Variants in SMAP1 observed in about 807,000 individuals in gnomAD.
SMAP1 encodes small ArfGAP 1, also known as stromal membrane-associated protein 1.
SMAP1 carries 24 observed loss-of-function variants against 58.5 expected under a neutral mutation model. The ratio of observed to expected loss-of-function variants is 0.41; its 90% CI spans 0.30 to 0.58. The LOEUF is 0.58. Ranked by LOEUF, SMAP1 falls within the 20% of genes least tolerant of loss-of-function variation. The pLI is 0.29. For synonymous variants in SMAP1, 216 were observed against 196.6 expected, an observed-to-expected ratio of 1.10 and a Z score of -0.82; for missense variants, 563 against 566.3, an observed-to-expected ratio of 0.99 and a Z score of 0.06.
intron 4 of SMAP1, among the ~76,000 whole-genome samples, chr6:70,774,086 G>A (rs1268020533): frequency 1.3e-5 from 2 of 152,272 alleles, no homozygotes; most frequent in East Asian, 1.9e-4. Context: ...GTAACATGCA[G>A]TACAGGTTTG....
chr6:70,708,129 C>T (rs913096610), intron 1 of SMAP1, among the ~76,000 whole-genome samples: 1 of 152,170 alleles, frequency 6.6e-6, no homozygotes, highest in African/African-American at 2.4e-5. Context: ...TGTTTCCTCT[C>T]CTTTCCTGCG....
intron 4 of SMAP1, among the ~76,000 whole-genome samples, chr6:70,777,835 C>T (rs1276260702): frequency 6.6e-6 from 1 of 151,962 alleles, no homozygotes; most frequent in Non-Finnish European, 1.5e-5. Context: ...TCCCTGCAAC[C>T]TCCGCCTCCT....
chr6:70,800,797 G>A (rs1424281552), intron 6 of SMAP1, among the ~76,000 whole-genome samples: 2 of 151,888 alleles, frequency 1.3e-5, no homozygotes, highest in Non-Finnish European at 1.5e-5. Flanking sequence ...ATAGTTTGCT[G>A]AGAATGATGG....
chr6:70,856,761 T>G, intron 8 of SMAP1, 98 bp from the exon 9 acceptor site: 1 of 1,256,876 alleles, frequency 8.0e-7, no homozygotes, highest in Non-Finnish European at 1.1e-6. Context: ...AATTGTTTGA[T>G]TCCTATCTAA....
chr6:70,824,106 C>G (rs73500502), intron 6 of SMAP1, among the ~76,000 whole-genome samples: 4,181 of 152,232 alleles, frequency 0.027, 72 homozygotes, highest in Middle Eastern at 0.041. Flanking sequence ...CTGCCTGTCT[C>G]TCTTGTTTTC....
At chr6:70,718,121 T>C (rs1395170457) in intron 1 of SMAP1, among the ~76,000 whole-genome samples, 1 of 152,156 alleles carries the variant, frequency 6.6e-6, no homozygotes, top group Admixed American at 6.6e-5. Context: ...AAAAATTTTA[T>C]TGTTTACTGG....
chr6:70,826,831 G>A (rs940953993), intron 6 of SMAP1, among the ~76,000 whole-genome samples: 2 of 151,076 alleles, frequency 1.3e-5, no homozygotes, highest in South Asian at 2.1e-4. Flanking sequence ...TTGGGAGGCT[G>A]AGGTAGGAGG....
chr6:70,801,775 G>A (rs770802834), intron 6 of SMAP1, among the ~76,000 whole-genome samples: 6 of 152,086 alleles, frequency 3.9e-5, no homozygotes, highest in Non-Finnish European at 1.5e-5. Flanking sequence ...ATAGGGAATC[G>A]TTTCTCCATT....
In SMAP1 at chr6:70,860,198, A is replaced by AGAT; in HGVS notation, c.1271_1273dup. On this transcript the variant is annotated splice_acceptor_variant, in intron 10 of 10. Coordinates refer to ENST00000370455, the MANE Select transcript of SMAP1 (RefSeq NM_001044305.3). LOFTEE classifies it high-confidence loss of function. ...GAACTAAGCCTTTTATATGTTTCAC[A>AGAT]GATGAATCAGCAGATGGCTGGCATG... 1 of 1,604,880 alleles carries AGAT rather than the reference A, an allele frequency of 6.2e-7. No individual in the cohort carries two copies. Among genetic ancestry groups the AGAT allele is most frequent in the African/African-American group, 1.3e-5 (1 of 74,676 alleles).
Position 70,860,279 on chromosome 6 carries a change from C to T in SMAP1, c.1349C>T (p.Ala450Val), listed in dbSNP as rs752782871. Residue 450 changes from alanine (A) to valine (V), a missense_variant, in exon 11 of 11, where the codon GCA becomes GTA. Around this residue, in one of 3 missense-constraint regions of SMAP1, gnomAD observed 494 missense variants for 473.8 expected, o/e 1.04. Transcript: ENST00000370455. ...TTTGGCCAGCCCTCCAGCACAACAGCAGGATGGTCTGGAAGCTCATCAGGT... is the reference window on the plus strand; with the variant it reads ...TTTGGCCAGCCCTCCAGCACAACAGTAGGATGGTCTGGAAGCTCATCAGGT... ...AGFGQPSSTT[A>V]GWSGSSSGQT... 1.1e-5 allele frequency: 18 copies of T among 1,613,652 alleles called. No homozygotes were observed. In the South Asian group the frequency reaches 1.9e-4, roughly 17 times the overall value.
Position 70,860,902 on chromosome 6 carries a change from T to C in SMAP1, c.*568T>C. On this transcript the variant is annotated 3_prime_UTR_variant, in exon 11 of 11. Coordinates refer to ENST00000370455, the MANE Select transcript of SMAP1 (RefSeq NM_001044305.3). Reference sequence around the variant, plus strand: ...AAAGGAAGATAAACGTGGATGTTACTCCAAAACTTCGTTTAATGAATGCTT... The same window carrying C: ...AAAGGAAGATAAACGTGGATGTTACCCCAAAACTTCGTTTAATGAATGCTT... The C allele has an allele frequency of 5.1e-6, 2 of 388,406 alleles. No homozygotes were observed. Among genetic ancestry groups the C allele is most frequent in the Non-Finnish European group, 9.1e-6 (2 of 219,628 alleles). 24.1% of individuals were successfully genotyped at this position (388,406 alleles called of 1,614,324 possible).
intron 3 of SMAP1, among the ~76,000 whole-genome samples, chr6:70,766,313 A>T (rs1766983448): frequency 6.6e-6 from 1 of 152,226 alleles, no homozygotes; most frequent in Non-Finnish European, 1.5e-5. Flanking sequence ...TCCCTGAGGA[A>T]TCAACACACT....
chr6:70,776,926 A>G (rs1300769372), intron 4 of SMAP1, among the ~76,000 whole-genome samples: 1 of 152,172 alleles, frequency 6.6e-6, no homozygotes, highest in African/African-American at 2.4e-5. Flanking sequence ...TATCTTGGCT[A>G]TTGTGAATAG....
chr6:70,702,665 C>G (rs1261325332), intron 1 of SMAP1, among the ~76,000 whole-genome samples: 1 of 150,446 alleles, frequency 6.6e-6, no homozygotes, highest in Non-Finnish European at 1.5e-5. Flanking sequence ...GAGGCAGAGT[C>G]TAGCTCTTTT....
Position 70,861,871 on chromosome 6 carries a change from T to C in SMAP1, c.*1537T>C, listed in dbSNP as rs1377218376. ...GCTTTCGGTTCCAGTTCTTCGACTG[T>C]TGTTATCTGTTTGAGAAAGTCAGAT... is the stretch of plus-strand genomic sequence containing the variant. On this transcript the variant is annotated 3_prime_UTR_variant, in exon 11 of 11. Transcript: ENST00000370455. The C allele has an allele frequency of 1.2e-6, 2 of 1,613,992 alleles. No homozygotes were observed. The highest frequency in any genetic ancestry group is 3.3e-5 in the Admixed American group (2 of 60,008).
chr6:70,804,053 C>A (rs1316167023), intron 6 of SMAP1, among the ~76,000 whole-genome samples: 2 of 152,188 alleles, frequency 1.3e-5, no homozygotes, highest in African/African-American at 4.8e-5. Context: ...TGTTAACCTT[C>A]TGTCTCGTTG....
At chr6:70,668,523 C>T (rs965070859) in intron 1 of SMAP1, 1 of 1,515,302 alleles carries the variant, frequency 6.6e-7, no homozygotes, top group African/African-American at 1.4e-5. Flanking sequence ...TAGCTCTGCT[C>T]ATAGCTATCT....
In SMAP1 at chr6:70,802,839, C is replaced by T. The variant is rs182929931; in HGVS notation, c.576+4102C>T. On this transcript the variant is annotated intron_variant, in intron 6 of 10. Coordinates refer to ENST00000370455, the MANE Select transcript of SMAP1 (RefSeq NM_001044305.3). ...ATTTGCGTATGTTGAACCAGCCTTGCATCCCAGGGATGAAGCCCACTTGAT... is the reference window on the plus strand; with the variant it reads ...ATTTGCGTATGTTGAACCAGCCTTGTATCCCAGGGATGAAGCCCACTTGAT... 2.2e-4 allele frequency among the ~76,000 whole-genome samples: 34 copies of T among 151,276 alleles called. No individual in the cohort carries two copies. In the East Asian group the frequency reaches 5.2e-3, roughly 23 times the overall value.
At position 70,860,619 on chromosome 6, in the gene SMAP1, CAAT is replaced by C. The variant is rs149287583; in HGVS notation, c.*288_*290del. ...CAACTTGCAAAATCAGTTTTCCTCT[CAAT>C]AAAATTATAGCTCTAATGTTTGCAT... On this transcript the variant is annotated 3_prime_UTR_variant, in exon 11 of 11. Coordinates refer to ENST00000370455, the MANE Select transcript of SMAP1 (RefSeq NM_001044305.3). 1.9e-3 allele frequency: 812 copies of C among 432,330 alleles called. 8 individuals carry two copies. Among genetic ancestry groups the C allele is most frequent in the African/African-American group, 0.015 (750 of 49,516 alleles). 26.8% of individuals were successfully genotyped at this position (432,330 alleles called of 1,614,324 possible).
Sources: gnomAD v4.1 joint callset for allele counts (sites outside exome capture counted in the v4.1 genomes callset) on GRCh38, gnomAD v4.1.1 for gene constraint, gnomAD v4.1.1 regional missense constraint, MANE v1.5 for transcripts, NCBI Gene and HGNC (gene_info 2026-07-23, HGNC 2026-07-21) for gene names.